Variants in CARMIL1 observed in about 807,000 individuals in gnomAD.
CARMIL1 encodes F-actin-uncapping protein LRRC16A.
CARMIL1 carries 90 observed loss-of-function variants against 177.1 expected under a neutral mutation model. The ratio of observed to expected loss-of-function variants is 0.51; its 90% CI spans 0.43 to 0.61. The LOEUF is 0.61. CARMIL1 is among the 20% of genes least tolerant of loss of function. The probability of loss-of-function intolerance (pLI) is 0.00; values close to 1 mark genes in which losing one functional copy is unlikely to be tolerated. For missense variants in CARMIL1, 1,380 were observed against 1,667.0 expected, an observed-to-expected ratio of 0.83 and a Z score of 3.00; for synonymous variants, 577 against 606.2, an observed-to-expected ratio of 0.95 and a Z score of 0.71.
At chr6:25,538,318 C>G (rs759354315) in intron 25 of CARMIL1, among the ~76,000 whole-genome samples, 1 of 152,190 alleles carries the variant, frequency 6.6e-6, no homozygotes, top group Non-Finnish European at 1.5e-5. Flanking sequence ...TCTGTTACCC[C>G]TAAAAGGAAG....
rs1214955295 is a variant in CARMIL1, at chr6:25,466,779, G to A, written c.690+831G>A. Among the ~76,000 whole-genome samples, 6 of 152,216 alleles carry A rather than the reference G, an allele frequency of 3.9e-5. No homozygotes were observed. The East Asian group carries it at 1.2e-3, about 29-fold the overall frequency. Reference sequence around the variant, plus strand: ...GACTTGGTTCTCTGAATTTGCCTGGGGTAGGGGTGGCCTAAAACATTATAA... The same window carrying A: ...GACTTGGTTCTCTGAATTTGCCTGGAGTAGGGGTGGCCTAAAACATTATAA... On this transcript the variant is annotated intron_variant, in intron 9 of 36. Coordinates refer to ENST00000329474, the MANE Select transcript of CARMIL1 (RefSeq NM_017640.6).
chr6:25,391,980 T>A (rs1291621325), intron 2 of CARMIL1, among the ~76,000 whole-genome samples: 2 of 152,180 alleles, frequency 1.3e-5, no homozygotes, highest in African/African-American at 4.8e-5. Flanking sequence ...TATTACTACA[T>A]AATTTTAGTT....
At chr6:25,366,707 T>A (rs1363534160) in intron 2 of CARMIL1, among the ~76,000 whole-genome samples, 1 of 151,810 alleles carries the variant, frequency 6.6e-6, no homozygotes, top group Non-Finnish European at 1.5e-5. Flanking sequence ...TGAATTAAGT[T>A]AAGTAACAGC....
At chr6:25,458,010 C>T (rs1353844408) in intron 8 of CARMIL1, among the ~76,000 whole-genome samples, 1 of 152,060 alleles carries the variant, frequency 6.6e-6, no homozygotes, top group East Asian at 1.9e-4. Context: ...AGAGAGATGG[C>T]AGGCAGGGGA....
intron 2 of CARMIL1, among the ~76,000 whole-genome samples, chr6:25,351,345 T>A (rs1788085186): frequency 6.6e-6 from 1 of 152,202 alleles, no homozygotes; most frequent in Non-Finnish European, 1.5e-5. Flanking sequence ...TTAAAATATG[T>A]GGCTACAAGA....
intron 2 of CARMIL1, among the ~76,000 whole-genome samples, chr6:25,396,498 A>G (rs1384982353): frequency 6.6e-6 from 1 of 151,504 alleles, no homozygotes; most frequent in African/African-American, 2.4e-5. Flanking sequence ...AGTAGCTGGG[A>G]TTACAGGCAC....
chr6:25,323,795 T>G (rs946944539), intron 2 of CARMIL1, among the ~76,000 whole-genome samples: 1 of 152,254 alleles, frequency 6.6e-6, no homozygotes, highest in African/African-American at 2.4e-5. Context: ...CATTCCCCAC[T>G]GTGCAAAGCA....
chr6:25,374,892 C>G (rs964393054), intron 2 of CARMIL1, among the ~76,000 whole-genome samples: 1 of 152,092 alleles, frequency 6.6e-6, no homozygotes, highest in Non-Finnish European at 1.5e-5. Context: ...ACCACTTTAC[C>G]TGGAGTCTAT....
chr6:25,289,454 T>G (rs1463804995), intron 2 of CARMIL1, among the ~76,000 whole-genome samples: 1 of 152,150 alleles, frequency 6.6e-6, no homozygotes, highest in African/African-American at 2.4e-5. Context: ...TTCAGAGAGG[T>G]TATCTTATGC....
chr6:25,437,139 A>G (rs1797301087), intron 5 of CARMIL1, among the ~76,000 whole-genome samples: 2 of 152,196 alleles, frequency 1.3e-5, no homozygotes, highest in South Asian at 2.1e-4. Context: ...TCCTTAAACT[A>G]CATTTCAGTA....
chr6:25,565,834 C>T (rs868498813), intron 29 of CARMIL1, among the ~76,000 whole-genome samples: 2 of 152,130 alleles, frequency 1.3e-5, no homozygotes, highest in South Asian at 4.1e-4. Flanking sequence ...AGTGAGACTC[C>T]GTCTCAAAAA....
intron 2 of CARMIL1, among the ~76,000 whole-genome samples, chr6:25,343,828 C>G (rs1787209411): frequency 6.6e-6 from 1 of 152,098 alleles, no homozygotes; most frequent in Non-Finnish European, 1.5e-5. Flanking sequence ...TCAGCTGTCT[C>G]AAGTGGCCAC....
intron 2 of CARMIL1, among the ~76,000 whole-genome samples, chr6:25,403,775 C>G (rs1044183376): frequency 2.0e-5 from 3 of 152,192 alleles, no homozygotes; most frequent in Non-Finnish European, 2.9e-5. Flanking sequence ...CTCCATAACC[C>G]CCAGGCATTA....
intron 2 of CARMIL1, among the ~76,000 whole-genome samples, chr6:25,340,777 G>GTTTTTTTTTTTTTTTTTTTTTTTTT (rs34928775): frequency 1.2e-5 from 1 of 86,136 alleles, no homozygotes; most frequent in Non-Finnish European, 2.3e-5. Context: ...GTCAATGAAG[G>GTTTTTTTTTTTTTTTTTTTTTTTTT]TTTTTTTTTT....
chr6:25,503,141 C>A (rs432436), intron 17 of CARMIL1, among the ~76,000 whole-genome samples: 147,590 of 152,294 alleles, frequency 0.97, 71,684 homozygotes, highest in East Asian at 1. Context: ...CGATGATGAG[C>A]TTGAACAGTA....
At position 25,608,185 on chromosome 6, in the gene CARMIL1, T is replaced by C. The variant is rs564134022; in HGVS notation, c.3848-1865T>C. Among the ~76,000 whole-genome samples, 12 of 152,350 alleles carry C rather than the reference T, an allele frequency of 7.9e-5. No homozygotes were observed. The South Asian group carries it at 2.1e-3, about 26-fold the overall frequency. On this transcript the variant is annotated intron_variant, in intron 35 of 36. Coordinates refer to ENST00000329474, the MANE Select transcript of CARMIL1 (RefSeq NM_017640.6). ...GAGTAACCTAGTTTGTAGAGGACAG[T>C]AGGCCCCTCTTATCCAAGGTTTTGC...
At position 25,604,890 on chromosome 6, in the gene CARMIL1, G is replaced by C; in HGVS notation, c.3631G>C (p.Ala1211Pro). 6.3e-7 allele frequency: 1 copy of C among 1,591,034 alleles called. No individual in the cohort carries two copies. The highest frequency in any genetic ancestry group is 8.6e-7 in the Non-Finnish European group (1 of 1,168,958). The change falls in exon 34 of 37, where the codon GCA becomes CCA. Residue 1211 changes from alanine (A) to proline (P), a missense_variant. Ala to Pro is a conservative substitution (Grantham distance 27, BLOSUM62 -1). Coordinates refer to ENST00000329474, the MANE Select transcript of CARMIL1 (RefSeq NM_017640.6). ...CGTAGAACGGTCGGATGGAGGTGGG[G>C]CAGGTAAGTCAGGCCATTGCCATCA... Reference protein sequence around the residue: ...SGVERSDGGGAVPKLHPGLPE... With the variant: ...SGVERSDGGGPVPKLHPGLPE...
chr6:25,589,715 T>C (rs1814119832), intron 31 of CARMIL1, among the ~76,000 whole-genome samples: 1 of 152,174 alleles, frequency 6.6e-6, no homozygotes, highest in Non-Finnish European at 1.5e-5. Context: ...CTCAAACTCC[T>C]GAGCTCACAC....
At chr6:25,324,962 C>T (rs1221498961) in intron 2 of CARMIL1, among the ~76,000 whole-genome samples, 2 of 151,782 alleles carry the variant, frequency 1.3e-5, no homozygotes, top group Non-Finnish European at 2.9e-5. Context: ...CTGAGGGTGA[C>T]CAGGGGCCAA....
Sources: gnomAD v4.1 joint callset for allele counts (sites outside exome capture counted in the v4.1 genomes callset) on GRCh38, gnomAD v4.1.1 for gene constraint, MANE v1.5 for transcripts, NCBI Gene and HGNC (gene_info 2026-07-23, HGNC 2026-07-21) for gene names.